The following STPG2 variants were observed in gnomAD, a reference collection of about 807,000 sequenced individuals.
STPG2 encodes sperm tail PG-rich repeat containing 2.
Under a neutral mutation model 54.2 loss-of-function variants are expected in STPG2, and 56 were observed. The observed-to-expected ratio is 1.03, with a 90% CI of 0.83 to 1.29. The LOEUF is 1.29. Ranked by LOEUF, STPG2 falls within the 50% of genes most tolerant of loss-of-function variation. The pLI, the probability that STPG2 is intolerant of heterozygous loss-of-function variation, is 0.00. For synonymous variants in STPG2, 200 were observed against 181.8 expected, an observed-to-expected ratio of 1.10 and a Z score of -0.81; for missense variants, 596 against 544.9, an observed-to-expected ratio of 1.09 and a Z score of -0.93.
At chr4:98,091,668 C>G (rs1214087173) in intron 5 of STPG2, among the ~76,000 whole-genome samples, 1 of 150,442 alleles carries the variant, frequency 6.6e-6, no homozygotes, top group East Asian at 1.9e-4. Context: ...TTTCTATCCA[C>G]AGCATATAAT....
chr4:97,539,376 AG>A (rs1191898937), intron 4 of STPG2, among the ~76,000 whole-genome samples: 1 of 152,174 alleles, frequency 6.6e-6, no homozygotes, highest in Admixed American at 6.5e-5. Flanking sequence ...AAACAAAAAA[AG>A]GCAGGGGTTG....
chr4:98,034,261 A>G (rs1369519214), intron 5 of STPG2, among the ~76,000 whole-genome samples: 1 of 152,220 alleles, frequency 6.6e-6, no homozygotes, highest in Non-Finnish European at 1.5e-5. Context: ...AAGTCTCAGG[A>G]TACAAAATCA....
At chr4:97,640,851 C>A (rs1472234206) in intron 10 of STPG2, among the ~76,000 whole-genome samples, 4 of 150,846 alleles carry the variant, frequency 2.7e-5, no homozygotes, top group African/African-American at 9.7e-5. Context: ...CAGATATAGT[C>A]AAAGGATGGG....
chr4:98,125,633 C>A (rs1388000868), intron 3 of STPG2, among the ~76,000 whole-genome samples: 7 of 152,290 alleles, frequency 4.6e-5, no homozygotes, highest in African/African-American at 1.4e-4. Flanking sequence ...GAAGGTCTCA[C>A]CCAGACAGGA....
At chr4:98,126,079 A>G (rs913493305) in intron 3 of STPG2, among the ~76,000 whole-genome samples, 5 of 152,202 alleles carry the variant, frequency 3.3e-5, no homozygotes, top group African/African-American at 1.2e-4. Flanking sequence ...GAACTCAGTC[A>G]TCTTAGGCAG....
intron 5 of STPG2, among the ~76,000 whole-genome samples, chr4:98,099,691 T>C (rs1738968377): frequency 6.6e-6 from 1 of 152,220 alleles, no homozygotes. Context: ...GTGATGTGCT[T>C]ATTTCACATT....
chr4:97,909,463 G>A (rs1731593197), intron 8 of STPG2, among the ~76,000 whole-genome samples: 1 of 152,002 alleles, frequency 6.6e-6, no homozygotes. Context: ...ACTTTATGTG[G>A]TGACCATAAC....
intron 8 of STPG2, among the ~76,000 whole-genome samples, chr4:97,907,305 T>G (rs1731471113): frequency 6.6e-6 from 1 of 151,940 alleles, no homozygotes; most frequent in South Asian, 2.1e-4. Context: ...GAATCCAACT[T>G]ACAAGGGATG....
At chr4:97,851,880 T>C (rs1729169221) in intron 8 of STPG2, among the ~76,000 whole-genome samples, 1 of 152,156 alleles carries the variant, frequency 6.6e-6, no homozygotes, top group Non-Finnish European at 1.5e-5. Flanking sequence ...AGAACAGAAA[T>C]GGCCTGTATA....
In STPG2 at chr4:97,905,524, G is replaced by A. The variant is rs368601257; in HGVS notation, c.1044+38373C>T. On this transcript the variant is annotated intron_variant, in intron 8 of 10. Transcript: ENST00000295268. ...ATCATGCCAAAATGTAAAGACCATC[G>A]AGACTAGGAAGAAACTGCATCAACT... is the stretch of plus-strand genomic sequence containing the variant. Among the ~76,000 whole-genome samples, 643 of 151,982 alleles carry A rather than the reference G, an allele frequency of 4.2e-3. 3 individuals are homozygous for A. The highest frequency in any genetic ancestry group is 0.025 in the South Asian group (118 of 4,794).
At chr4:97,660,773 T>C (rs1180442049) in intron 10 of STPG2, among the ~76,000 whole-genome samples, 3 of 152,216 alleles carry the variant, frequency 2.0e-5, no homozygotes, top group East Asian at 1.9e-4. Flanking sequence ...CCCAGTTTTA[T>C]AGACAACGAA....
intron 5 of STPG2, among the ~76,000 whole-genome samples, chr4:97,996,055 A>G (rs1488436903): frequency 2.6e-5 from 4 of 152,192 alleles, no homozygotes; most frequent in African/African-American, 4.8e-5. Context: ...TAAACTACCA[A>G]TGACATTCTT....
intron 5 of STPG2, among the ~76,000 whole-genome samples, chr4:98,049,776 T>C (rs1737256334): frequency 6.6e-6 from 1 of 152,174 alleles, no homozygotes; most frequent in African/African-American, 2.4e-5. Context: ...ATTTTGATCA[T>C]CAATGGCCAC....
At chr4:97,903,042 A>T (rs1311262035) in intron 8 of STPG2, among the ~76,000 whole-genome samples, 1 of 152,178 alleles carries the variant, frequency 6.6e-6, no homozygotes, top group Non-Finnish European at 1.5e-5. Flanking sequence ...ACAGAGTAGA[A>T]GGATGGTTAC....
At chr4:97,962,420 G>A (rs933424050) in intron 7 of STPG2, among the ~76,000 whole-genome samples, 9 of 152,112 alleles carry the variant, frequency 5.9e-5, no homozygotes, top group Admixed American at 2.0e-4. Flanking sequence ...AGTGTAATAC[G>A]TATACACACA....
chr4:97,943,809 A>G, intron 8 of STPG2, 88 bp downstream of exon 8: 1 of 959,994 alleles, frequency 1.0e-6, no homozygotes, highest in Non-Finnish European at 1.5e-6. Context: ...CAGTTACCTC[A>G]CTCAGGTCCT....
At chr4:97,942,491 C>A (rs1284693966) in intron 8 of STPG2, among the ~76,000 whole-genome samples, 1 of 110,758 alleles carries the variant, frequency 9.0e-6, no homozygotes, top group African/African-American at 3.1e-5. Flanking sequence ...TGATTTTAAA[C>A]TGTCTTTTGA....
At chr4:97,835,448 A>G (rs7678844) in intron 9 of STPG2, among the ~76,000 whole-genome samples, 1 of 152,132 alleles carries the variant, frequency 6.6e-6, no homozygotes, top group South Asian at 2.1e-4. Context: ...GCCATTCTTT[A>G]TTCCTTTATT....
chr4:97,536,812 A>C (rs1342442642), intron 4 of STPG2, among the ~76,000 whole-genome samples: 4 of 152,150 alleles, frequency 2.6e-5, no homozygotes, highest in Admixed American at 6.5e-5. Context: ...TGGAACTCAT[A>C]CATCTTAAAT....
Sources: allele counts gnomAD v4.1 joint callset (sites outside exome capture counted in the v4.1 genomes callset), GRCh38; gene constraint gnomAD v4.1.1; transcripts MANE v1.5; gene names NCBI Gene and HGNC (gene_info 2026-07-23, HGNC 2026-07-21).